Variants in PHKG2 observed in about 807,000 individuals in gnomAD.
PHKG2 encodes the protein phosphorylase b kinase gamma catalytic chain, liver/testis isoform.
PHKG2 carries 28 observed loss-of-function variants against 44.5 expected under a neutral mutation model. The ratio of observed to expected loss-of-function variants is 0.63; its 90% CI spans 0.47 to 0.86. PHKG2 has a LOEUF of 0.86. PHKG2 is among the 40% of genes least tolerant of loss of function. The probability of loss-of-function intolerance (pLI) is 0.00; values close to 1 mark genes in which losing one functional copy is unlikely to be tolerated. For synonymous variants in PHKG2, 220 were observed against 211.2 expected, an observed-to-expected ratio of 1.04 and a Z score of -0.36; for missense variants, 498 against 547.5, an observed-to-expected ratio of 0.91 and a Z score of 0.90.
rs1567266269 is a variant in PHKG2 at position 30,757,891 on chromosome 16, TAGGC to T, written c.*798_*801del. ...TCCCTACTCAGTAGCTGTGTGACCTTAGGCAGGTTATTTAACCTATCTGTGCCTC... is the reference window on the plus strand; with the variant it reads ...TCCCTACTCAGTAGCTGTGTGACCTTAGGTTATTTAACCTATCTGTGCCTC... On this transcript the variant is annotated 3_prime_UTR_variant, in exon 10 of 10. Transcript: ENST00000563588. 9.2e-6 allele frequency: 11 copies of T among 1,198,032 alleles called. No individual in the cohort carries two copies. Among genetic ancestry groups the T allele is most frequent in the East Asian group, 3.1e-5 (1 of 32,352 alleles). 74.2% of individuals were successfully genotyped at this position (1,198,032 alleles called of 1,614,324 possible).
rs535247818 is a variant in PHKG2, at chr16:30,750,213, TAAA to T, written c.96-885_96-883del. 3.5e-4 allele frequency among the ~76,000 whole-genome samples: 52 copies of T among 149,344 alleles called. No individual in the cohort carries two copies. In the South Asian group the frequency reaches 4.2e-3, roughly 12 times the overall value. The stretch of plus-strand genomic sequence containing the variant: ...ATGAATTCAGATTTGTGTAAAAAAA[TAAA>T]AAAAAAATTGCACCGGCCAAAACGT... On this transcript the variant is annotated intron_variant, in intron 2 of 9. Transcript: ENST00000563588.
chr16:30,754,634 CTT>C (rs1394581337), intron 6 of PHKG2, among the ~76,000 whole-genome samples: 2 of 152,210 alleles, frequency 1.3e-5, no homozygotes, highest in African/African-American at 4.8e-5. Flanking sequence ...AGTTAATACT[CTT>C]AACCTGTGGA....
rs543365803 is a variant in PHKG2, at chr16:30,759,473, C to G, written c.*2376C>G. 1 of 1,613,978 alleles carries G rather than the reference C, an allele frequency of 6.2e-7. No homozygotes were observed. The highest frequency in any genetic ancestry group is 2.2e-5 in the East Asian group (1 of 44,846). On this transcript the variant is annotated 3_prime_UTR_variant, in exon 10 of 10. Coordinates refer to ENST00000563588, the MANE Select transcript of PHKG2 (RefSeq NM_000294.3). ...AAAGGAGGCCGCTGTGGTGGTGACT[C>G]GGAATTAGAACCCTGACTACCTTCC...
At position 30,757,164 on chromosome 16, in the gene PHKG2, C is replaced by T; in HGVS notation, c.*67C>T. ...AAGAAGGGTTTTGATCATTCCAGCT[C>T]CTCTGGGCTCTGGCCTCTGGCCTCA... is the stretch of plus-strand genomic sequence containing the variant. On this transcript the variant is annotated 3_prime_UTR_variant, in exon 10 of 10. Transcript: ENST00000563588. The T allele has an allele frequency of 1.4e-6, 2 of 1,470,710 alleles. No homozygotes were observed. Among genetic ancestry groups the T allele is most frequent in the East Asian group, 2.5e-5 (1 of 39,928 alleles). The allele number at this position is 1,470,710 out of a possible 1,614,324, so 91.1% of individuals were successfully genotyped here.
rs2053722174 is a variant in PHKG2, at chr16:30,760,844, C to G, written c.*3747C>G. 1 of 642,612 alleles carries G rather than the reference C, an allele frequency of 1.6e-6. No homozygotes were observed. Among genetic ancestry groups the G allele is most frequent in the Admixed American group, 2.5e-5 (1 of 39,544 alleles). 39.8% of individuals were successfully genotyped at this position (642,612 alleles called of 1,614,324 possible). A position where few individuals can be genotyped will look rare whatever the true frequency, so the allele number is the denominator to read the frequency against. On this transcript the variant is annotated 3_prime_UTR_variant, in exon 10 of 10. Coordinates refer to ENST00000563588, the MANE Select transcript of PHKG2 (RefSeq NM_000294.3). ...TGGGCCTAAATGAACTCTTATGAGC[C>G]TCTCCATTTCTAAAGCCTAGGGTTA... is the stretch of plus-strand genomic sequence containing the variant.
At position 30,760,795 on chromosome 16, in the gene PHKG2, T is replaced by C; in HGVS notation, c.*3698T>C. The C allele has an allele frequency of 1.2e-6, 1 of 813,182 alleles. No individual in the cohort carries two copies. Among genetic ancestry groups the C allele is most frequent in the Non-Finnish European group, 2.1e-6 (1 of 486,456 alleles). The allele number at this position is 813,182 out of a possible 1,614,324, so 50.4% of individuals were successfully genotyped here. A position where few individuals can be genotyped will look rare whatever the true frequency, so the allele number is the denominator to read the frequency against. On this transcript the variant is annotated 3_prime_UTR_variant, in exon 10 of 10. Transcript: ENST00000563588. ...TGGGCTCTTTTGCCAGCTTGCTGTGTGACTATGCAAATCGTTAACTCTCTG... is the reference window on the plus strand; with the variant it reads ...TGGGCTCTTTTGCCAGCTTGCTGTGCGACTATGCAAATCGTTAACTCTCTG...
rs751338113 is a variant in PHKG2 at position 30,759,595 on chromosome 16, C to T, written c.*2498C>T. ...ATAAGGGTGATGAATGTGAGAGAGA[C>T]TGGGTGAGACCTTGTCTGGGGATGG... On this transcript the variant is annotated 3_prime_UTR_variant, in exon 10 of 10. Transcript: ENST00000563588. The T allele has an allele frequency of 1.2e-6, 2 of 1,614,086 alleles. No individual in the cohort carries two copies. Among genetic ancestry groups the T allele is most frequent in the South Asian group, 1.1e-5 (1 of 91,082 alleles).
intron 6 of PHKG2, among the ~76,000 whole-genome samples, chr16:30,753,922 T>A (rs1002788904): frequency 1.3e-5 from 2 of 152,216 alleles, no homozygotes; most frequent in Non-Finnish European, 2.9e-5. Flanking sequence ...CCTGATGTGA[T>A]GTGTCCAGAC....
rs1397469314 is a variant in PHKG2, at chr16:30,753,550, G to T, written c.549G>T (p.Lys183Asn). 6 of 1,613,992 alleles carry T rather than the reference G, an allele frequency of 3.7e-6. No individual in the cohort carries two copies. Among genetic ancestry groups the T allele is most frequent in the Non-Finnish European group, 5.1e-6 (6 of 1,179,962 alleles). The stretch of plus-strand genomic sequence containing the variant: ...CCTGCCACTTGGAACCTGGCGAGAA[G>T]CTTCGAGGTGAGGGGATCTAGTGCC... Reference protein sequence around the residue: ...GFSCHLEPGEKLRELCGTPGY... With the variant: ...GFSCHLEPGENLRELCGTPGY... The change falls in exon 6 of 10, where the codon AAG becomes AAT. Residue 183 changes from lysine to asparagine, a missense_variant. Physicochemically the swap from Lys to Asn is moderately conservative, Grantham distance 94. Coordinates refer to ENST00000563588, the MANE Select transcript of PHKG2 (RefSeq NM_000294.3).
Position 30,757,394 on chromosome 16 carries a change from C to A in PHKG2, c.*297C>A. The A allele has an allele frequency of 6.5e-7, 1 of 1,547,042 alleles. No homozygotes were observed. Among genetic ancestry groups the A allele is most frequent in the East Asian group, 2.3e-5 (1 of 44,322 alleles). On this transcript the variant is annotated 3_prime_UTR_variant, in exon 10 of 10. Transcript: ENST00000563588. ...GTGTCCTGTGTCTGTCTGGCTTGGG[C>A]AGGAAAGCCCAGAAGGTGCTCAGCA...
rs574188196 is a variant in PHKG2 at position 30,751,869 on chromosome 16, G to A, written c.326+266G>A. 168 of 444,064 alleles carry A rather than the reference G, an allele frequency of 3.8e-4. 1 individual carries two copies. Among genetic ancestry groups the A allele is most frequent in the Non-Finnish European group, 6.0e-4 (142 of 236,022 alleles). 27.5% of individuals were successfully genotyped at this position (444,064 alleles called of 1,614,324 possible). On this transcript the variant is annotated intron_variant, in intron 4 of 9. Transcript: ENST00000563588. ...AGCACTTTGGGAGGCCGAGGCGGGTGGATCATGAGGTCAGGAGATCGAGAC... is the reference window on the plus strand; with the variant it reads ...AGCACTTTGGGAGGCCGAGGCGGGTAGATCATGAGGTCAGGAGATCGAGAC...
Position 30,748,896 on chromosome 16 carries a change from C to A in PHKG2, c.76C>A (p.Pro26Thr), listed in dbSNP as rs1367737087. ...CAAAGAGTTTTACCAGAAGTACGAC[C>A]CTAAGGACGTCATCGGCAGGTAAGG... ...AAKEFYQKYD[P>T]KDVIGRGVSS... is the part of the protein sequence containing the mutation. Residue 26 changes from proline to threonine, a missense_variant, in exon 2 of 10, where the codon CCT (proline) becomes ACT (threonine). Physicochemically the swap from Pro to Thr is conservative, Grantham distance 38. Transcript: ENST00000563588. The A allele has an allele frequency of 6.4e-7, 1 of 1,553,956 alleles. No homozygotes were observed. The highest frequency in any genetic ancestry group is 1.2e-5 in the South Asian group (1 of 84,222).
At chr16:30,749,049 G>GCTGC (rs2053296780) in intron 2 of PHKG2, 134 bp downstream of exon 2, 1 of 131,650 alleles carries the variant, frequency 7.6e-6, no homozygotes, top group African/African-American at 6.5e-5. Context: ...GGTGGTGGTG[G>GCTGC]TGGTGGTGGT....
chr16:30,757,200 T>G lies in PHKG2; in HGVS notation c.*103T>G. 4 of 1,596,752 alleles carry G rather than the reference T, an allele frequency of 2.5e-6. No individual in the cohort carries two copies. The highest frequency in any genetic ancestry group is 2.5e-6 in the Non-Finnish European group (3 of 1,178,130). ...TGGCCTCTGGCCTCAGGCCCACTAA[T>G]GATCCTGCTACCCTCTTGAAGACCA... On this transcript the variant is annotated 3_prime_UTR_variant, in exon 10 of 10. Transcript: ENST00000563588.
intron 3 of PHKG2, 120 bp downstream of exon 3, chr16:30,751,401 G>C (rs970826167): frequency 1.5e-6 from 2 of 1,316,906 alleles, no homozygotes; most frequent in Non-Finnish European, 2.2e-6. Flanking sequence ...CCACTAAAGA[G>C]TGGCCATCCG....
At chr16:30,751,723 C>A in intron 4 of PHKG2, 120 bp downstream of exon 4, 1 of 886,544 alleles carries the variant, frequency 1.1e-6, no homozygotes, top group Non-Finnish European at 1.9e-6. Flanking sequence ...AGCTGGGGCT[C>A]TCTATCACCT....
chr16:30,751,292 C>A lies in PHKG2; in HGVS notation c.271+11C>A. 6.2e-7 allele frequency: 1 copy of A among 1,607,904 alleles called. No individual in the cohort carries two copies. Reference sequence around the variant, plus strand: ...GCCACCCCCACATCAGTGAGGCTGTCTTCCTTGCTCCTGTTAGCAGACGAC... The same window carrying A: ...GCCACCCCCACATCAGTGAGGCTGTATTCCTTGCTCCTGTTAGCAGACGAC... On this transcript the variant is annotated intron_variant, in intron 3 of 9. Transcript: ENST00000563588.
rs1375186427 is a variant in PHKG2, at chr16:30,758,966, C to T, written c.*1869C>T. ...GATGTCATCCAAACCCTTCATTCTA[C>T]ACCTGCTCAGAGGGACAGGGCAGCC... On this transcript the variant is annotated 3_prime_UTR_variant, in exon 10 of 10. Transcript: ENST00000563588. 6.8e-6 allele frequency: 11 copies of T among 1,611,084 alleles called. No homozygotes were observed. The highest frequency in any genetic ancestry group is 6.7e-5 in the East Asian group (3 of 44,890).
At position 30,760,957 on chromosome 16, in the gene PHKG2, A is replaced by T. The variant is rs2053732868; in HGVS notation, c.*3860A>T. The T allele has an allele frequency of 1.6e-6, 1 of 612,928 alleles. No individual in the cohort carries two copies. The highest frequency in any genetic ancestry group is 2.9e-6 in the Non-Finnish European group (1 of 348,386). The allele number at this position is 612,928 out of a possible 1,614,324, so 38.0% of individuals were successfully genotyped here. On this transcript the variant is annotated 3_prime_UTR_variant, in exon 10 of 10. Coordinates refer to ENST00000563588, the MANE Select transcript of PHKG2 (RefSeq NM_000294.3). ...TGTGGCCCTCAGTGTCCCCCTCTGT[A>T]CAATACTCCTTAGCGGCCATGAGAC...
Sources: gnomAD v4.1 joint callset for allele counts (sites outside exome capture counted in the v4.1 genomes callset) on GRCh38, gnomAD v4.1.1 for gene constraint, MANE v1.5 for transcripts, NCBI Gene and HGNC (gene_info 2026-07-23, HGNC 2026-07-21) for gene names.